The following KALRN variants were observed in gnomAD, a reference collection of about 807,000 sequenced individuals.
KALRN encodes kalirin.
In KALRN, 70 loss-of-function variants were observed where a neutral mutation model predicts 353.7. That is an observed-to-expected ratio of 0.20 (90% confidence interval 0.16 to 0.24). The LOEUF is 0.24. KALRN is among the 10% of genes least tolerant of loss of function. KALRN has a pLI of 1.00. For missense variants in KALRN, 2,791 were observed against 3,756.7 expected (o/e 0.74, Z 6.72); for synonymous variants, 1,391 against 1,434.8 (o/e 0.97, Z 0.69).
Position 124,317,070 on chromosome 3 carries a change from G to A in KALRN, c.1093-8910G>A, listed in dbSNP as rs575918760. 5.3e-5 allele frequency among the ~76,000 whole-genome samples: 8 copies of A among 152,278 alleles called. No homozygotes were observed. The South Asian group carries it at 8.3e-4, about 16-fold the overall frequency. Reference sequence around the variant, plus strand: ...CACCTACCAGGCTCCTGCCCATTCCGGAGCTAGGCTATTCTGGAAAATCCA... The same window carrying A: ...CACCTACCAGGCTCCTGCCCATTCCAGAGCTAGGCTATTCTGGAAAATCCA... On this transcript the variant is annotated intron_variant, in intron 6 of 59. Transcript: ENST00000682506.
intron 29 of KALRN, among the ~76,000 whole-genome samples, chr3:124,490,272 A>T (rs2063007270): frequency 6.6e-6 from 1 of 152,226 alleles, no homozygotes; most frequent in South Asian, 2.1e-4. Flanking sequence ...TGAATGACAC[A>T]TAAAGAGGAG....
chr3:124,598,286 A>G (rs967223279), intron 34 of KALRN, among the ~76,000 whole-genome samples: 4 of 152,190 alleles, frequency 2.6e-5, no homozygotes, highest in East Asian at 1.9e-4. Context: ...GGCTACTCCA[A>G]TGGCCTGGAA....
chr3:124,165,608 A>G (rs948242070), intron 1 of KALRN, among the ~76,000 whole-genome samples: 13 of 152,206 alleles, frequency 8.5e-5, no homozygotes, highest in African/African-American at 2.4e-4. Context: ...CTGGAATGCC[A>G]TGCCCTAAGA....
At chr3:124,127,027 C>T (rs1384396077) in intron 1 of KALRN, among the ~76,000 whole-genome samples, 3 of 152,132 alleles carry the variant, frequency 2.0e-5, no homozygotes, top group Non-Finnish European at 4.4e-5. Flanking sequence ...AAAATAATGA[C>T]CCCTGGTTCG....
At chr3:124,113,964 A>G (rs987104654) in intron 1 of KALRN, among the ~76,000 whole-genome samples, 1 of 152,186 alleles carries the variant, frequency 6.6e-6, no homozygotes, top group African/African-American at 2.4e-5. Context: ...TCAACCCAGA[A>G]AGGAAGGAGC....
chr3:124,688,367 C>T (rs1289353417), intron 51 of KALRN, among the ~76,000 whole-genome samples: 4 of 149,696 alleles, frequency 2.7e-5, no homozygotes, highest in Admixed American at 2.0e-4. Flanking sequence ...TTTAGAAATT[C>T]GAGTCCAGTT....
chr3:124,413,515 A>G lies in KALRN; in HGVS notation c.2392A>G (p.Met798Val), dbSNP rs1656215830. The G allele has an allele frequency of 6.2e-7, 1 of 1,614,176 alleles. No homozygotes were observed. Among genetic ancestry groups the G allele is most frequent in the Non-Finnish European group, 8.5e-7 (1 of 1,180,018 alleles). ...DAWNEDLLRQ[M>V]NDFNTEDLTL... ...CTGGAATGAAGACTTGCTTCGGCAG[A>G]TGAATGACTTCAACACAGAGGACCT... The change falls in exon 14 of 60, where the codon ATG becomes GTG. Residue 798 changes from methionine to valine, a missense_variant. Coordinates refer to ENST00000682506, the MANE Select transcript of KALRN (RefSeq NM_001388419.1).
chr3:124,498,466 A>G (rs1018674297), intron 33 of KALRN, among the ~76,000 whole-genome samples: 9 of 152,346 alleles, frequency 5.9e-5, no homozygotes, highest in African/African-American at 1.4e-4. Context: ...TACTTGTGGA[A>G]TAAATAAATA....
rs566108447 is a variant in KALRN at position 124,383,297 on chromosome 3, C to T, written c.1771-1548C>T. Among the ~76,000 whole-genome samples the T allele has an allele frequency of 3.9e-5, 6 of 152,332 alleles. No individual in the cohort carries two copies. In the East Asian group the frequency reaches 5.8e-4, roughly 15 times the overall value. The stretch of plus-strand genomic sequence containing the variant: ...TCTGAAAGTTTCAACCCTAGCGTCT[C>T]AGTTTCCTGGGGCTGTTGTAACAAA... On this transcript the variant is annotated intron_variant, in intron 10 of 59. Transcript: ENST00000682506.
At chr3:124,520,171 TC>T (rs1284726453) in intron 33 of KALRN, among the ~76,000 whole-genome samples, 2 of 151,148 alleles carry the variant, frequency 1.3e-5, no homozygotes, top group African/African-American at 2.4e-5. Flanking sequence ...TATAATTGAC[TC>T]CCCCAGGAGG....
intron 1 of KALRN, among the ~76,000 whole-genome samples, chr3:124,050,931 C>T (rs1253598108): frequency 1.3e-5 from 2 of 152,076 alleles, no homozygotes; most frequent in African/African-American, 4.8e-5. Flanking sequence ...ATAGATGCTT[C>T]TGGCAGAGTA....
In KALRN at chr3:124,282,408, T is replaced by C. The variant is rs368907373; in HGVS notation, c.969+13153T>C. On this transcript the variant is annotated intron_variant, in intron 5 of 59. Coordinates refer to ENST00000682506, the MANE Select transcript of KALRN (RefSeq NM_001388419.1). ...TTTTTTTTTTTTTGAGATGGAGTTTTGCTCTTGTTATCCAGGCTGAGTGCA... is the reference window on the plus strand; with the variant it reads ...TTTTTTTTTTTTTGAGATGGAGTTTCGCTCTTGTTATCCAGGCTGAGTGCA... 9.3e-5 allele frequency among the ~76,000 whole-genome samples: 14 copies of C among 151,064 alleles called. No homozygotes were observed. In the South Asian group the frequency reaches 3.0e-3, roughly 32 times the overall value.
chr3:124,665,468 G>GTATT (rs2085494681), intron 45 of KALRN, among the ~76,000 whole-genome samples: 3 of 152,026 alleles, frequency 2.0e-5, no homozygotes, highest in Admixed American at 2.0e-4. Flanking sequence ...ATTTATTCAT[G>GTATT]TATTTATTTA....
At chr3:124,248,750 A>C (rs1480432653) in intron 3 of KALRN, among the ~76,000 whole-genome samples, 1 of 152,196 alleles carries the variant, frequency 6.6e-6, no homozygotes, top group Non-Finnish European at 1.5e-5. Flanking sequence ...TTTGAGAGCT[A>C]CTAAAAAACT....
At chr3:124,110,469 G>A (rs28579840) in intron 1 of KALRN, among the ~76,000 whole-genome samples, 2,747 of 134,010 alleles carry the variant, frequency 0.02, 153 homozygotes, top group African/African-American at 0.068. Flanking sequence ...ACACACGCGC[G>A]CACACACACA....
chr3:124,631,291 A>G (rs1249522451), intron 34 of KALRN, among the ~76,000 whole-genome samples: 1 of 152,074 alleles, frequency 6.6e-6, no homozygotes, highest in Non-Finnish European at 1.5e-5. Context: ...CAACTCTGCA[A>G]TTATCTCCAG....
intron 18 of KALRN, 69 bp downstream of exon 18, chr3:124,439,106 CTCTTTCTCTTT>C: frequency 6.8e-7 from 1 of 1,471,058 alleles, no homozygotes; most frequent in Non-Finnish European, 9.3e-7. Context: ...CATCCTCTTT[CTCTTTCTCTTT>C]TCTTTCTTTC....
rs528883360 is a variant in KALRN at position 124,694,492 on chromosome 3, G to A, written c.7566G>A (p.Thr2522=). The A allele has an allele frequency of 8.1e-6, 13 of 1,613,670 alleles. No homozygotes were observed. The highest frequency in any genetic ancestry group is 2.7e-5 in the African/African-American group (2 of 75,004). Residue 2522 remains threonine, a synonymous_variant, in exon 53 of 60, where the codon ACG becomes ACA. Transcript: ENST00000682506. Reference sequence around the variant, plus strand: ...CTGATAACAGCTCAGCCACATACACGGTCTCCTCTTGGTAAGCCGATTGCC... The same window carrying A: ...CTGATAACAGCTCAGCCACATACACAGTCTCCTCTTGGTAAGCCGATTGCC... ...LDTDNSSATY[T]VSSCDSGEIT...
Position 124,719,568 on chromosome 3 carries a change from T to C in KALRN, c.*98T>C. On this transcript the variant is annotated 3_prime_UTR_variant, in exon 60 of 60. Transcript: ENST00000682506. The surrounding 1 kb of genome is among the most constrained non-coding windows in gnomAD (Gnocchi z 5.3). ...TAATTCTGTTCATCATTTCACTCCG[T>C]GCAGTTCTCTGAATTGAGAGATGTA... 8.6e-7 allele frequency: 1 copy of C among 1,165,574 alleles called. No individual in the cohort carries two copies. Among genetic ancestry groups the C allele is most frequent in the East Asian group, 2.5e-5 (1 of 39,344 alleles). The allele number at this position is 1,165,574 out of a possible 1,614,324, so 72.2% of individuals were successfully genotyped here. A position where few individuals can be genotyped will look rare whatever the true frequency, so the allele number is the denominator to read the frequency against.
Sources: allele counts gnomAD v4.1 joint callset (sites outside exome capture counted in the v4.1 genomes callset), GRCh38; gene constraint gnomAD v4.1.1; non-coding constraint Gnocchi (gnomAD v3.1); transcripts MANE v1.5; gene names NCBI Gene and HGNC (gene_info 2026-07-23, HGNC 2026-07-21).